RIN2: variants seen among roughly 807,000 people sequenced by gnomAD.
RIN2 encodes the protein RAB5 interacting protein 2.
A neutral mutation model predicts 78.0 loss-of-function variants in RIN2; 36 were observed. The observed-to-expected ratio is 0.46, with a 90% CI of 0.35 to 0.61. RIN2 has a LOEUF of 0.61. Ranked by LOEUF, RIN2 falls within the 20% of genes least tolerant of loss-of-function variation. The pLI is 0.00. For missense variants in RIN2, 1,087 were observed against 1,159.7 expected (o/e 0.94, Z 0.91); for synonymous variants, 466 against 466.8 (o/e 1.00, Z 0.02).
chr20:19,866,634 ATTT>A (rs1414832444), intron 2 of RIN2, among the ~76,000 whole-genome samples: 4 of 151,728 alleles, frequency 2.6e-5, no homozygotes, highest in Admixed American at 2.6e-4. Flanking sequence ...ATTTTATTTT[ATTT>A]ATTTTGAGAC....
chr20:19,950,289 T>A (rs1198980168), intron 4 of RIN2, among the ~76,000 whole-genome samples: 1 of 152,230 alleles, frequency 6.6e-6, no homozygotes, highest in Non-Finnish European at 1.5e-5. Context: ...TGGGTCTCAC[T>A]GTATCTGTAC....
intron 2 of RIN2, among the ~76,000 whole-genome samples, chr20:19,848,232 ACTT>A: frequency 6.6e-6 from 1 of 152,122 alleles, no homozygotes; most frequent in South Asian, 2.1e-4. Flanking sequence ...TAAAAAGTTG[ACTT>A]AAAAAGAGCA....
chr20:19,780,539 G>A (rs1292134118), intron 1 of RIN2, among the ~76,000 whole-genome samples: 1 of 152,134 alleles, frequency 6.6e-6, no homozygotes, highest in Non-Finnish European at 1.5e-5. Context: ...GGACTCAAGG[G>A]TCTCACCATG....
chr20:19,945,171 G>A (rs1439815825), intron 4 of RIN2, among the ~76,000 whole-genome samples: 1 of 152,224 alleles, frequency 6.6e-6, no homozygotes, highest in Non-Finnish European at 1.5e-5. Flanking sequence ...TCACAGTGAT[G>A]AAGGGGCAGT....
At chr20:19,815,594 G>A (rs769477809) in intron 2 of RIN2, among the ~76,000 whole-genome samples, 1 of 152,164 alleles carries the variant, frequency 6.6e-6, no homozygotes, top group African/African-American at 2.4e-5. Context: ...GACATGCTCG[G>A]TGTGGTATTT....
chr20:19,838,603 A>G (rs2036489895), intron 2 of RIN2, among the ~76,000 whole-genome samples: 1 of 152,024 alleles, frequency 6.6e-6, no homozygotes, highest in South Asian at 2.1e-4. Flanking sequence ...CACTCCCTTT[A>G]TCACTGGGAT....
intron 1 of RIN2, among the ~76,000 whole-genome samples, chr20:19,787,946 T>G (rs928848327): frequency 3.3e-5 from 5 of 152,176 alleles, no homozygotes; most frequent in Non-Finnish European, 7.4e-5. Flanking sequence ...GAGGAAGACT[T>G]CCTCTATCAG....
intron 6 of RIN2, 147 bp downstream of exon 6, chr20:19,960,958 G>A (rs2041726822): frequency 1.7e-6 from 1 of 604,054 alleles, no homozygotes; most frequent in Non-Finnish European, 3.0e-6. Context: ...CCTACTCCAG[G>A]AGCCTCAGTT....
chr20:19,891,328 G>A (rs2038450654), intron 3 of RIN2, among the ~76,000 whole-genome samples: 1 of 152,124 alleles, frequency 6.6e-6, no homozygotes, highest in South Asian at 2.1e-4. Flanking sequence ...TCATCCTCCA[G>A]GTTCCTGAGT....
chr20:19,960,779 T>G lies in RIN2; in HGVS notation c.431T>G (p.Leu144Arg). The part of the protein sequence containing the change: ...LRLPCEFGAP[L>R]KEFAIKESTY... ...CTGCCCTGTGAATTTGGGGCCCCAC[T>G]CAAGGAATTTGCCATAAAGGAAAGC... The change falls in exon 6 of 13, where the codon CTC becomes CGC. Residue 144 changes from leucine (L) to arginine (R), a missense_variant. Around this residue, in one of 8 missense-constraint regions of RIN2, gnomAD observed 706 missense variants for 667.5 expected, o/e 1.06. Coordinates refer to ENST00000255006, the MANE Select transcript of RIN2 (RefSeq NM_018993.4). 1 of 1,601,256 alleles carries G rather than the reference T, an allele frequency of 6.2e-7. No homozygotes were observed. The highest frequency in any genetic ancestry group is 2.2e-5 in the East Asian group (1 of 44,530).
chr20:19,790,495 T>C (rs2034853953), intron 1 of RIN2, among the ~76,000 whole-genome samples: 1 of 152,196 alleles, frequency 6.6e-6, no homozygotes, highest in African/African-American at 2.4e-5. Context: ...GCTTAACTTA[T>C]CTAAATCTAG....
chr20:19,924,699 G>A (rs2040148654), intron 3 of RIN2, among the ~76,000 whole-genome samples: 1 of 20,010 alleles, frequency 5.0e-5, no homozygotes, highest in East Asian at 1.1e-3. Flanking sequence ...CCACCTCTTC[G>A]TTTCATATCC....
At chr20:19,891,462 T>C (rs2038457614) in intron 3 of RIN2, among the ~76,000 whole-genome samples, 2 of 152,176 alleles carry the variant, frequency 1.3e-5, no homozygotes, top group Non-Finnish European at 2.9e-5. Flanking sequence ...CACCTTATGA[T>C]GGTCAGGAAG....
At chr20:19,998,960 G>A (rs749260779) in intron 12 of RIN2, among the ~76,000 whole-genome samples, 10 of 152,124 alleles carry the variant, frequency 6.6e-5, no homozygotes, top group Non-Finnish European at 1.0e-4. Flanking sequence ...TTCTGCAGCC[G>A]TCCCCTCCTG....
intron 1 of RIN2, among the ~76,000 whole-genome samples, chr20:19,784,323 T>C (rs1407663765): frequency 6.7e-6 from 1 of 149,382 alleles, no homozygotes; most frequent in African/African-American, 2.6e-5. Flanking sequence ...AACAATTATG[T>C]GTGTGTGTGT....
At chr20:19,786,208 A>G (rs1432132910) in intron 1 of RIN2, among the ~76,000 whole-genome samples, 1 of 152,226 alleles carries the variant, frequency 6.6e-6, no homozygotes, top group Non-Finnish European at 1.5e-5. Context: ...CTTGTACCCA[A>G]TAGAATGCAG....
At chr20:19,811,622 C>T (rs935390023) in intron 2 of RIN2, among the ~76,000 whole-genome samples, 2 of 152,056 alleles carry the variant, frequency 1.3e-5, no homozygotes, top group Non-Finnish European at 1.5e-5. Context: ...TAAAACTGAA[C>T]GCAGAAACTG....
At chr20:19,900,889 G>T (rs189712648) in intron 3 of RIN2, among the ~76,000 whole-genome samples, 1 of 143,866 alleles carries the variant, frequency 7.0e-6, no homozygotes, top group African/African-American at 2.6e-5. Flanking sequence ...GGCGGAGGTT[G>T]CAGTGAGCCG....
intron 3 of RIN2, among the ~76,000 whole-genome samples, chr20:19,897,254 C>T (rs1353511704): frequency 6.6e-6 from 1 of 152,060 alleles, no homozygotes. Context: ...TACAGATGAA[C>T]CGCCACCATG....
Sources: gnomAD v4.1 joint callset for allele counts (sites outside exome capture counted in the v4.1 genomes callset) on GRCh38, gnomAD v4.1.1 for gene constraint, gnomAD v4.1.1 regional missense constraint, MANE v1.5 for transcripts, NCBI Gene and HGNC (gene_info 2026-07-23, HGNC 2026-07-21) for gene names.